SH2D3A: variants seen among roughly 807,000 people sequenced by gnomAD.
SH2D3A encodes the protein SH2 domain containing 3A.
Under a neutral mutation model 50.6 loss-of-function variants are expected in SH2D3A, and 46 were observed. That is an observed-to-expected ratio of 0.91 (90% CI 0.72 to 1.16). The LOEUF is 1.16. SH2D3A is among the 50% of genes most tolerant of loss of function. The pLI is 0.00. For synonymous variants in SH2D3A, 377 were observed against 348.4 expected (o/e 1.08, Z -0.91); for missense variants, 783 against 786.2 (o/e 1.00, Z 0.05).
intron 2 of SH2D3A, among the ~76,000 whole-genome samples, chr19:6,761,942 A>G (rs1049489653): frequency 1.4e-5 from 2 of 143,176 alleles, no homozygotes; most frequent in Non-Finnish European, 3.0e-5. Context: ...GAGTGAGATC[A>G]TGTCTCAAAA....
chr19:6,754,214 G>A (rs868365684), intron 7 of SH2D3A, 37 bp downstream of exon 7: 4 of 1,605,720 alleles, frequency 2.5e-6, no homozygotes, highest in African/African-American at 2.7e-5. Context: ...CCAGTCACCC[G>A]CACTCCAGCT....
At chr19:6,753,386 G>A in intron 9 of SH2D3A, 70 bp downstream of exon 9, 1 of 1,416,630 alleles carries the variant, frequency 7.1e-7, no homozygotes, top group Non-Finnish European at 9.2e-7. Flanking sequence ...GACAGGCTGG[G>A]TTTGGGGGAT....
At chr19:6,755,364 T>C in intron 4 of SH2D3A, 49 bp from the exon 5 acceptor site, 1 of 1,338,348 alleles carries the variant, frequency 7.5e-7, no homozygotes, top group Non-Finnish European at 9.9e-7. Flanking sequence ...GGAAGATTGC[T>C]GAATGGGCGG....
Position 6,759,587 on chromosome 19 carries a change from CACTT to C in SH2D3A, c.496+3_496+6del, listed in dbSNP as rs746358103. ...CTGAGCCACAGGCCATTCTAGCAGA[CACTT>C]ACCCATCCCAGCGGGGTCTTCTCTT... On this transcript the variant is annotated splice_donor_5th_base_variant and intron_variant, in intron 4 of 9. Transcript: ENST00000245908. 23 of 1,613,716 alleles carry C rather than the reference CACTT, an allele frequency of 1.4e-5. No homozygotes were observed. Among genetic ancestry groups the C allele is most frequent in the Admixed American group, 1.0e-4 (6 of 60,000 alleles).
At position 6,754,337 on chromosome 19, in the gene SH2D3A, C is replaced by T. The variant is rs180742911; in HGVS notation, c.1186G>A (p.Val396Ile). ...EERAAALRGL[V>I]ELALALRPGA... The stretch of plus-strand genomic sequence containing the variant: ...GGCCGCAGCGCCAGCGCCAGCTCTA[C>T]CAGTCCCCTCAGTGCGGCTGCGCGC... Residue 396 changes from valine (V) to isoleucine (I), a missense_variant, in exon 7 of 10, where the codon GTA (valine) becomes ATA (isoleucine). By Grantham distance (29) the Val-to-Ile change is conservative (BLOSUM62 3). Coordinates refer to ENST00000245908, the MANE Select transcript of SH2D3A (RefSeq NM_005490.3). 2.4e-3 allele frequency: 3,849 copies of T among 1,575,350 alleles called. 9 individuals carry two copies. The highest frequency in any genetic ancestry group is 3.0e-3 in the Non-Finnish European group (3,458 of 1,167,438).
intron 4 of SH2D3A, chr19:6,758,027 T>TTG (rs1555695184): frequency 6.6e-6 from 1 of 152,220 alleles, no homozygotes; most frequent in African/African-American, 2.4e-5. Flanking sequence ...TACTCTGTTT[T>TTG]TTTTGTTTTG....
chr19:6,755,332 AG>A lies in SH2D3A; in HGVS notation c.497-18del. Reference sequence around the variant, plus strand: ...TGGAGGCTTCTAGAGGTCATACAAGAGGGGTCAATGGGAATACACAGGGAAG... The same window carrying A: ...TGGAGGCTTCTAGAGGTCATACAAGAGGGTCAATGGGAATACACAGGGAAG... On this transcript the variant is annotated intron_variant, in intron 4 of 9. Coordinates refer to ENST00000245908, the MANE Select transcript of SH2D3A (RefSeq NM_005490.3). 6.8e-7 allele frequency: 1 copy of A among 1,478,498 alleles called. No homozygotes were observed. Among genetic ancestry groups the A allele is most frequent in the Non-Finnish European group, 9.0e-7 (1 of 1,109,572 alleles). 91.6% of individuals were successfully genotyped at this position (1,478,498 alleles called of 1,614,324 possible). A position where few individuals can be genotyped will look rare whatever the true frequency, so the allele number is the denominator to read the frequency against.
intron 1 of SH2D3A, among the ~76,000 whole-genome samples, chr19:6,766,635 G>C (rs1299955695): frequency 6.6e-6 from 1 of 152,214 alleles, no homozygotes; most frequent in Non-Finnish European, 1.5e-5. Context: ...ACCAGGCTCT[G>C]TTCTAGGACC....
chr19:6,765,747 CAAAA>C (rs397945080), intron 1 of SH2D3A, among the ~76,000 whole-genome samples: 1 of 63,226 alleles, frequency 1.6e-5, no homozygotes. Context: ...GACTCCGTCT[CAAAA>C]AAAAAAAAAA....
intron 4 of SH2D3A, among the ~76,000 whole-genome samples, chr19:6,757,058 G>A (rs1969725166): frequency 6.6e-6 from 1 of 151,750 alleles, no homozygotes; most frequent in Non-Finnish European, 1.5e-5. Context: ...GTAGACACGG[G>A]GTTTCACCAT....
chr19:6,767,153 A>T (rs754210019), intron 1 of SH2D3A, among the ~76,000 whole-genome samples: 1 of 152,100 alleles, frequency 6.6e-6, no homozygotes, highest in Non-Finnish European at 1.5e-5. Context: ...TAAGAGGATC[A>T]CTCAGGCAAA....
Position 6,752,662 on chromosome 19 carries a change from G to C in SH2D3A, c.1662C>G (p.Arg554=). ...LWGSRGAGAP[R]AERFEKFQRV... ...GCTGGAACTTCTCAAAGCGTTCAGC[G>C]CGCGGAGCTCCCGCGCCCCGGCTAC... Residue 554 remains arginine, a synonymous_variant, in exon 10 of 10, where the codon CGC becomes CGG. Transcript: ENST00000245908. 6.4e-7 allele frequency: 1 copy of C among 1,555,422 alleles called. No homozygotes were observed. Among genetic ancestry groups the C allele is most frequent in the East Asian group, 2.4e-5 (1 of 41,398 alleles).
chr19:6,762,253 G>A (rs578159186), intron 2 of SH2D3A, among the ~76,000 whole-genome samples: 1 of 151,782 alleles, frequency 6.6e-6, no homozygotes, highest in Non-Finnish European at 1.5e-5. Context: ...GCACAATCTC[G>A]GCTCACTGCA....
chr19:6,755,348 A>G (rs1253826138), intron 4 of SH2D3A, 33 bp from the exon 5 acceptor site: 1 of 1,425,208 alleles, frequency 7.0e-7, no homozygotes, highest in African/African-American at 1.4e-5. Flanking sequence ...CAATGGGAAT[A>G]CACAGGGAAG....
At chr19:6,756,354 A>C (rs1446740660) in intron 4 of SH2D3A, among the ~76,000 whole-genome samples, 8 of 151,522 alleles carry the variant, frequency 5.3e-5, no homozygotes, top group Non-Finnish European at 1.2e-4. Flanking sequence ...AGAGAGACAA[A>C]GTATAAAAAA....
At chr19:6,762,694 T>TG (rs1382377572) in intron 2 of SH2D3A, among the ~76,000 whole-genome samples, 59 of 146,982 alleles carry the variant, frequency 4.0e-4, no homozygotes, top group South Asian at 1.2e-3. Context: ...TTTTTTTTTT[T>TG]TTTGTGTAGA....
Position 6,760,696 on chromosome 19 carries a change from G to A in SH2D3A, c.361C>T (p.Arg121Ter), listed in dbSNP as rs149620409. The stretch of plus-strand genomic sequence containing the variant: ...AGGGTGTCCTCGCTAAAGCTGCGTC[G>A]CAGAGGCCCCTGCCAAGTCACAGGC... Reference protein sequence around the residue: ...SRPVTWQGPLRRSFSEDTLMD... With the variant: ...SRPVTWQGPL Residue 121 changes from arginine to a stop codon, truncating the protein, a stop_gained, in exon 3 of 10, where the codon CGA (arginine) becomes TGA (stop). Coordinates refer to ENST00000245908, the MANE Select transcript of SH2D3A (RefSeq NM_005490.3). LOFTEE classifies it high-confidence loss of function. 611 of 1,612,604 alleles carry A rather than the reference G, an allele frequency of 3.8e-4. No homozygotes were observed. The highest frequency in any genetic ancestry group is 2.5e-3 in the East Asian group (114 of 44,840).
At chr19:6,755,391 G>A in intron 4 of SH2D3A, 76 bp from the exon 5 acceptor site, 17 of 1,033,644 alleles carry the variant, frequency 1.6e-5, no homozygotes, top group East Asian at 2.5e-5. Context: ...GAGCTTCATC[G>A]GCTACCACCC....
rs746073911 is a variant in SH2D3A, at chr19:6,755,080, T to C, written c.732A>G (p.Thr244=). The change falls in exon 5 of 10, where the codon ACA becomes ACG. Residue 244 remains threonine (T), a synonymous_variant. Coordinates refer to ENST00000245908, the MANE Select transcript of SH2D3A (RefSeq NM_005490.3). ...LVPRVPSVQG[T]SPSQSCPEPE... ...GCTCTGGGCAGCTTTGGCTCGGGGA[T>C]GTTCCCTGGACACTGGGCACTCGGG... 2 of 1,613,936 alleles carry C rather than the reference T, an allele frequency of 1.2e-6. No homozygotes were observed. The highest frequency in any genetic ancestry group is 8.5e-7 in the Non-Finnish European group (1 of 1,179,966).
Sources: gnomAD v4.1 joint callset for allele counts (sites outside exome capture counted in the v4.1 genomes callset) on GRCh38, gnomAD v4.1.1 for gene constraint, MANE v1.5 for transcripts, NCBI Gene and HGNC (gene_info 2026-07-23, HGNC 2026-07-21) for gene names.